Variants in HECTD4 observed in about 807,000 individuals in gnomAD.
HECTD4 encodes the protein HECT domain E3 ubiquitin protein ligase 4.
Under a neutral mutation model 471.5 loss-of-function variants are expected in HECTD4, and 114 were observed. The observed-to-expected ratio is 0.24, with a 90% CI of 0.21 to 0.28. The LOEUF is 0.28. Among genes scored for constraint, HECTD4 ranks in the 10% least tolerant of loss-of-function variants. HECTD4 has a pLI of 1.00. For synonymous variants in HECTD4, 2,012 were observed against 2,256.0 expected (o/e 0.89, Z 3.07); for missense variants, 3,866 against 5,651.5 (o/e 0.68, Z 10.13).
chr12:112,172,932 T>G, intron 66 of HECTD4, 71 bp from the exon 67 acceptor site: 1 of 1,350,376 alleles, frequency 7.4e-7, no homozygotes, highest in Non-Finnish European at 1.1e-6. Flanking sequence ...GCATTTCTCT[T>G]ACAGAGCCCT....
chr12:112,287,050 T>C (rs2034769297), intron 7 of HECTD4, among the ~76,000 whole-genome samples: 1 of 152,168 alleles, frequency 6.6e-6, no homozygotes, highest in African/African-American at 2.4e-5. Context: ...CAAACTGGGA[T>C]AGTTGGTCAC....
intron 18 of HECTD4, among the ~76,000 whole-genome samples, chr12:112,260,786 A>C (rs1244511462): frequency 1.3e-5 from 2 of 150,172 alleles, no homozygotes; most frequent in Non-Finnish European, 3.0e-5. Context: ...ATGGGGTTAC[A>C]GCAGAAATTT....
chr12:112,323,987 TTCCTTCCTTCCTTCCTTCCTTCCTTCC>T (rs2035661128), intron 1 of HECTD4, among the ~76,000 whole-genome samples: 1 of 32,086 alleles, frequency 3.1e-5, no homozygotes, highest in Non-Finnish European at 4.8e-5. Context: ...CCTTCCTTCC[TTCCTTCCTTCCTTCCTTCCTTCCTTCC>T]TTCCTTCCTT....
intron 13 of HECTD4, chr12:112,267,188 T>C (rs2034298509): frequency 3.6e-6 from 2 of 551,456 alleles, no homozygotes; most frequent in Admixed American, 3.3e-5. Context: ...CCGCTCCATG[T>C]GCGTCCCTCC....
Position 112,193,695 on chromosome 12 carries a change from G to T in HECTD4, c.8750-21C>A. 6.3e-7 allele frequency: 1 copy of T among 1,598,292 alleles called. No homozygotes were observed. The highest frequency in any genetic ancestry group is 1.1e-5 in the South Asian group (1 of 88,450). On this transcript the variant is annotated intron_variant, in intron 56 of 75. Coordinates refer to ENST00000682272, the MANE Select transcript of HECTD4 (RefSeq NM_001388303.1). This position sits in a 1 kb window ranked among gnomAD's most constrained non-coding sequence, Gnocchi z 5.2. ...GCCGTCTGGGGACGGAAAGGAAACAGAAGTTGACAAGAATCAAAGCAGCCA... is the reference window on the plus strand; with the variant it reads ...GCCGTCTGGGGACGGAAAGGAAACATAAGTTGACAAGAATCAAAGCAGCCA...
At chr12:112,335,860 G>C (rs946841484) in intron 1 of HECTD4, among the ~76,000 whole-genome samples, 7 of 152,124 alleles carry the variant, frequency 4.6e-5, no homozygotes, top group African/African-American at 1.7e-4. Context: ...TAGTTAATAA[G>C]TGAAAGACAA....
intron 1 of HECTD4, among the ~76,000 whole-genome samples, chr12:112,327,025 A>G (rs550909814): frequency 3.7e-4 from 57 of 152,280 alleles, no homozygotes; most frequent in Non-Finnish European, 6.3e-4. Flanking sequence ...AGCAATCTCA[A>G]TGTATAAAAG....
intron 44 of HECTD4, among the ~76,000 whole-genome samples, chr12:112,220,571 C>T (rs542652462): frequency 3.3e-5 from 5 of 151,084 alleles, no homozygotes; most frequent in East Asian, 2.0e-4. Context: ...CTGAGGCAGA[C>T]GGATCACTTG....
intron 1 of HECTD4, among the ~76,000 whole-genome samples, chr12:112,323,947 C>CTTCTTTCTTTCTTTCTTCCT (rs2035639007): frequency 3.0e-5 from 2 of 66,852 alleles, no homozygotes; most frequent in Non-Finnish European, 5.4e-5. Flanking sequence ...TACTGAGGTG[C>CTTCTTTCTTTCTTTCTTCCT]TTCTTTCTTT....
At chr12:112,278,366 C>A (rs913120630) in intron 9 of HECTD4, among the ~76,000 whole-genome samples, 1 of 152,068 alleles carries the variant, frequency 6.6e-6, no homozygotes, top group African/African-American at 2.4e-5. Context: ...ATAAAGCCAC[C>A]GCCCCCAGCC....
Position 112,229,722 on chromosome 12 carries a change from T to C in HECTD4, c.6495A>G (p.Thr2165=), listed in dbSNP as rs756909329. The part of the protein sequence containing the change: ...ALCALGGFKE[T]IKIGSEVQVL... The stretch of plus-strand genomic sequence containing the variant: ...CCTGAACCTCGGATCCTATCTTGAT[T>C]GTCTCTTTGAAGCCTCCAAGTGCAC... The change falls in exon 41 of 76, where the codon ACA becomes ACG. Residue 2165 remains threonine, a synonymous_variant. Transcript: ENST00000682272. The C allele has an allele frequency of 1.2e-6, 2 of 1,613,638 alleles. No individual in the cohort carries two copies. Among genetic ancestry groups the C allele is most frequent in the Non-Finnish European group, 8.5e-7 (1 of 1,179,618 alleles).
intron 66 of HECTD4, among the ~76,000 whole-genome samples, chr12:112,174,894 A>C (rs557092685): frequency 9.9e-5 from 15 of 152,182 alleles, no homozygotes; most frequent in Non-Finnish European, 1.2e-4. Context: ...GCTGTGGACA[A>C]GGCTGAGTAG....
At chr12:112,177,375 C>CTTTTTTTT (rs1170542769) in intron 64 of HECTD4, among the ~76,000 whole-genome samples, 2 of 143,466 alleles carry the variant, frequency 1.4e-5, no homozygotes. Context: ...TGTTATGAGG[C>CTTTTTTTT]TATTTTTTTT....
At chr12:112,368,477 A>T (rs1026091742) in intron 1 of HECTD4, among the ~76,000 whole-genome samples, 37 of 152,358 alleles carry the variant, frequency 2.4e-4, no homozygotes, top group African/African-American at 8.7e-4. Context: ...ATAAATTGAT[A>T]TTATCTTTAA....
intron 52 of HECTD4, among the ~76,000 whole-genome samples, chr12:112,206,040 T>C (rs1015088236): frequency 6.6e-6 from 1 of 152,172 alleles, no homozygotes; most frequent in Non-Finnish European, 1.5e-5. Flanking sequence ...GAACATACGA[T>C]TATGTTTGAT....
rs557537381 is a variant in HECTD4 at position 112,172,572 on chromosome 12, G to A, written c.11785+99C>T. 414 of 1,218,162 alleles carry A rather than the reference G, an allele frequency of 3.4e-4. 1 individual carries two copies. The highest frequency in any genetic ancestry group is 4.6e-4 in the Non-Finnish European group (395 of 850,666). The allele number at this position is 1,218,162 out of a possible 1,614,324, so 75.5% of individuals were successfully genotyped here. A position where few individuals can be genotyped will look rare whatever the true frequency, so the allele number is the denominator to read the frequency against. ...AGCAGGTGTTCATAAGTGTTCGTTC[G>A]ATGGACGTCTAAATGAATCTAGCCC... On this transcript the variant is annotated intron_variant, in intron 67 of 75. Coordinates refer to ENST00000682272, the MANE Select transcript of HECTD4 (RefSeq NM_001388303.1).
Position 112,179,308 on chromosome 12 carries a change from C to T in HECTD4, c.11077G>A (p.Ala3693Thr). 5 of 1,613,448 alleles carry T rather than the reference C, an allele frequency of 3.1e-6. No individual in the cohort carries two copies. The highest frequency in any genetic ancestry group is 4.2e-6 in the Non-Finnish European group (5 of 1,179,690). The change falls in exon 63 of 76, where the codon GCG becomes ACG. Residue 3693 changes from alanine (A) to threonine (T), a missense_variant. Transcript: ENST00000682272. The surrounding 1 kb of genome is among the most constrained non-coding windows in gnomAD (Gnocchi z 4.3). ...ATGTCAGAGACTCTGATGGGCTTCG[C>T]TGGTGTCAGGCTCAGCGTCTGCTCT... is the stretch of plus-strand genomic sequence containing the variant. ...HSEQTLSLTPAKPIRVSDIYL... is the reference protein window; with the variant it reads ...HSEQTLSLTPTKPIRVSDIYL...
At chr12:112,356,084 T>A (rs1290606914) in intron 1 of HECTD4, among the ~76,000 whole-genome samples, 2 of 152,176 alleles carry the variant, frequency 1.3e-5, no homozygotes, top group Non-Finnish European at 2.9e-5. Flanking sequence ...GGCAATTTCA[T>A]GACCCTGAAT....
In HECTD4 at chr12:112,243,723, G is replaced by C; in HGVS notation, c.4688C>G (p.Thr1563Arg). ...HVTSHRSSSFTLLQSLAIEDS... is the reference protein window; with the variant it reads ...HVTSHRSSSFRLLQSLAIEDS... ...CTCAATGGCCAGCGACTGCAGGAGTGTAAAGGAGCTGCTGCGGTGGCTGGT... is the reference window on the plus strand; with the variant it reads ...CTCAATGGCCAGCGACTGCAGGAGTCTAAAGGAGCTGCTGCGGTGGCTGGT... The change falls in exon 31 of 76, where the codon ACA becomes AGA. Residue 1563 changes from threonine (T) to arginine (R), a missense_variant. Thr to Arg is a moderately conservative substitution (Grantham distance 71). This residue lies in a region of HECTD4 where 229 missense variants were observed against 386.4 expected (regional missense o/e 0.59). Coordinates refer to ENST00000682272, the MANE Select transcript of HECTD4 (RefSeq NM_001388303.1). The surrounding 1 kb of genome is among the most constrained non-coding windows in gnomAD (Gnocchi z 6.6). 2 of 1,613,924 alleles carry C rather than the reference G, an allele frequency of 1.2e-6. No homozygotes were observed. Among genetic ancestry groups the C allele is most frequent in the Non-Finnish European group, 1.7e-6 (2 of 1,179,810 alleles).
Sources: allele counts gnomAD v4.1 joint callset (sites outside exome capture counted in the v4.1 genomes callset), GRCh38; gene constraint gnomAD v4.1.1; regional missense constraint gnomAD v4.1.1; non-coding constraint Gnocchi (gnomAD v3.1); transcripts MANE v1.5; gene names NCBI Gene and HGNC (gene_info 2026-07-23, HGNC 2026-07-21).